The following ARIH2 variants were observed in gnomAD, a reference collection of about 807,000 sequenced individuals.
The protein encoded by ARIH2 is ariadne RBR E3 ubiquitin protein ligase 2, also known as E3 ubiquitin-protein ligase ARIH2.
ARIH2 carries 12 observed loss-of-function variants against 79.8 expected under a neutral mutation model. The ratio of observed to expected loss-of-function variants is 0.15; its 90% confidence interval spans 0.10 to 0.24. ARIH2 has a LOEUF of 0.24. Ranked by LOEUF, ARIH2 falls within the 10% of genes least tolerant of loss-of-function variation. The pLI is 1.00. For synonymous variants in ARIH2, 224 were observed against 213.9 expected (o/e 1.05, Z -0.41); for missense variants, 301 against 618.3 (o/e 0.49, Z 5.44).
chr3:48,973,542 A>G (rs1159100884), intron 8 of ARIH2, 157 bp from the exon 9 acceptor site: 1 of 529,210 alleles, frequency 1.9e-6, no homozygotes, highest in African/African-American at 2.0e-5. Context: ...ACGCCACTAC[A>G]CTCCAGCCTG....
At chr3:48,959,495 G>A (rs2091006649) in intron 3 of ARIH2, among the ~76,000 whole-genome samples, 1 of 151,306 alleles carries the variant, frequency 6.6e-6, no homozygotes, top group Non-Finnish European at 1.5e-5. Context: ...CATAATTTGG[G>A]AAACCTAGGC....
chr3:48,947,345 G>A (rs2089317616), intron 3 of ARIH2, among the ~76,000 whole-genome samples: 2 of 151,532 alleles, frequency 1.3e-5, no homozygotes, highest in South Asian at 4.1e-4. Flanking sequence ...GGAGGCTGAG[G>A]CAGGAGAATC....
intron 11 of ARIH2, among the ~76,000 whole-genome samples, chr3:48,977,225 A>G (rs1344106266): frequency 6.6e-6 from 1 of 151,870 alleles, no homozygotes; most frequent in East Asian, 1.9e-4. Context: ...CAAACAAAAA[A>G]CTGCCATCTC....
At chr3:48,944,538 C>CATGT (rs1390910594) in intron 3 of ARIH2, among the ~76,000 whole-genome samples, 1 of 152,096 alleles carries the variant, frequency 6.6e-6, no homozygotes, top group Admixed American at 6.6e-5. Context: ...ACCCTCCTTC[C>CATGT]ATGTCCCTGT....
intron 6 of ARIH2, 40 bp from the exon 7 acceptor site, chr3:48,968,494 C>CTA (rs1166944919): frequency 1.3e-6 from 2 of 1,591,540 alleles, no homozygotes; most frequent in Admixed American, 3.4e-5. Context: ...CAGGCATGAG[C>CTA]TATCGCACCT....
intron 12 of ARIH2, chr3:48,980,121 G>A: frequency 2.5e-6 from 1 of 398,880 alleles, no homozygotes; most frequent in South Asian, 3.9e-5. Flanking sequence ...AGAGTCCTCA[G>A]GGCTCGAGTC....
At chr3:48,979,292 T>G (rs749849305) in intron 11 of ARIH2, among the ~76,000 whole-genome samples, 190 bp from the exon 12 acceptor site, 27 of 152,216 alleles carry the variant, frequency 1.8e-4, no homozygotes, top group Admixed American at 1.3e-4. Context: ...TATCAGCAAG[T>G]ACAGGCTACA....
intron 2 of ARIH2, among the ~76,000 whole-genome samples, chr3:48,926,307 G>A (rs1198103493): frequency 1.3e-5 from 2 of 151,524 alleles, no homozygotes; most frequent in African/African-American, 4.9e-5. Context: ...CGCTTTTATT[G>A]CCCAGGCTGG....
chr3:48,940,895 C>T (rs904695024), intron 3 of ARIH2, among the ~76,000 whole-genome samples: 9 of 146,152 alleles, frequency 6.2e-5, no homozygotes, highest in Admixed American at 2.1e-4. Flanking sequence ...GCAGGCTGGG[C>T]GCGGTGGCTC....
intron 1 of ARIH2, among the ~76,000 whole-genome samples, chr3:48,919,901 C>G (rs769830478): frequency 1.3e-5 from 2 of 151,748 alleles, no homozygotes; most frequent in African/African-American, 4.8e-5. Context: ...CTTACGTGTT[C>G]TGTGCGTGGT....
intron 3 of ARIH2, chr3:48,944,967 A>G: frequency 4.4e-6 from 2 of 459,170 alleles, no homozygotes; most frequent in Non-Finnish European, 7.8e-6. Context: ...ACCTTTCTTC[A>G]TTTCTGCTTT....
At chr3:48,972,131 CCTT>C (rs1368345292) in intron 8 of ARIH2, among the ~76,000 whole-genome samples, 1 of 152,146 alleles carries the variant, frequency 6.6e-6, no homozygotes, top group Non-Finnish European at 1.5e-5. Context: ...GCTAAGGAGT[CCTT>C]CTCAGAGCAC....
At chr3:48,934,294 A>C (rs1184875931) in intron 3 of ARIH2, 2 of 731,142 alleles carry the variant, frequency 2.7e-6, no homozygotes, top group Admixed American at 6.3e-5. Flanking sequence ...ATATAATGCC[A>C]AGTTAAAAGA....
intron 3 of ARIH2, among the ~76,000 whole-genome samples, chr3:48,952,424 C>G (rs1289488545): frequency 6.6e-6 from 1 of 152,088 alleles, no homozygotes; most frequent in African/African-American, 2.4e-5. Flanking sequence ...AGGAACTGAT[C>G]CTGGCAAGAG....
chr3:48,982,813 G>T (rs1038615478), intron 14 of ARIH2, 83 bp from the exon 15 acceptor site: 8 of 935,796 alleles, frequency 8.5e-6, no homozygotes, highest in Non-Finnish European at 1.4e-5. Flanking sequence ...AGCCTGAGGT[G>T]CTGCATGTGC....
In ARIH2 at chr3:48,927,694, G is replaced by A; in HGVS notation, c.136G>A (p.Val46Met). The change falls in exon 3 of 16, where the codon GTG becomes ATG. Residue 46 changes from valine to methionine, a missense_variant. Val to Met is a conservative substitution (Grantham distance 21, BLOSUM62 1). This residue lies in a region of ARIH2 where 223 missense variants were observed against 349.4 expected (regional missense o/e 0.64). Transcript: ENST00000356401. ...CTATTACGTGGGAGTAGCCAGCGAT[G>A]TGGAGCAGCAGGGGGCTGATGCCTT... Reference protein sequence around the residue: ...EDYYVGVASDVEQQGADAFDP... With the variant: ...EDYYVGVASDMEQQGADAFDP... The A allele has an allele frequency of 6.2e-7, 1 of 1,614,202 alleles. No homozygotes were observed. The highest frequency in any genetic ancestry group is 8.5e-7 in the Non-Finnish European group (1 of 1,180,030).
chr3:48,952,438 A>C (rs2090081021), intron 3 of ARIH2, among the ~76,000 whole-genome samples: 1 of 152,168 alleles, frequency 6.6e-6, no homozygotes, highest in Non-Finnish European at 1.5e-5. Flanking sequence ...GCAAGAGTTA[A>C]GGGATCTGCA....
chr3:48,938,286 C>T (rs1219198766), intron 3 of ARIH2, among the ~76,000 whole-genome samples: 1 of 152,118 alleles, frequency 6.6e-6, no homozygotes, highest in Non-Finnish European at 1.5e-5. Flanking sequence ...CATGCCTTTG[C>T]CCTACCTCTG....
At chr3:48,971,305 C>T (rs555531998) in intron 8 of ARIH2, among the ~76,000 whole-genome samples, 10 of 152,188 alleles carry the variant, frequency 6.6e-5, no homozygotes, top group Non-Finnish European at 1.5e-4. Context: ...AGTGCAGTGG[C>T]ACATACTTGG....
Sources: gnomAD v4.1 joint callset for allele counts (sites outside exome capture counted in the v4.1 genomes callset) on GRCh38, gnomAD v4.1.1 for gene constraint, gnomAD v4.1.1 regional missense constraint, MANE v1.5 for transcripts, NCBI Gene and HGNC (gene_info 2026-07-23, HGNC 2026-07-21) for gene names.